Variants in LRP4 observed in about 807,000 individuals in gnomAD.
LRP4 encodes LDL receptor related protein 4.
In LRP4, 95 loss-of-function variants were observed where a neutral mutation model predicts 220.3. That is an observed-to-expected ratio of 0.43 (90% CI 0.37 to 0.51). LRP4 has a LOEUF of 0.51. LRP4 is among the 20% of genes least tolerant of loss of function. LRP4 has a pLI of 0.00. For missense variants in LRP4, 1,925 were observed against 2,567.0 expected (o/e 0.75, Z 5.40); for synonymous variants, 903 against 954.6 (o/e 0.95, Z 1.00).
At position 46,886,460 on chromosome 11, in the gene LRP4, A is replaced by C. The variant is rs753793781; in HGVS notation, c.2289T>G (p.Ser763=). The C allele has an allele frequency of 1.7e-5, 27 of 1,614,032 alleles. No homozygotes were observed. The highest frequency in any genetic ancestry group is 2.3e-5 in the Non-Finnish European group (27 of 1,180,036). The change falls in exon 17 of 38, where the codon TCT becomes TCG. Residue 763 remains serine, a synonymous_variant. Coordinates refer to ENST00000378623, the MANE Select transcript of LRP4 (RefSeq NM_002334.4). ...RRISFDTEDL[S]DDVIPLADVR... ...CGTCAGCCAGTGGGATGACATCATC[A>C]GACAGGTCCTCTGTGTCAAAGCTGA...
chr11:46,889,927 G>A lies in LRP4; in HGVS notation c.2092+17C>T, dbSNP rs200761003. ...ACCATGAGGCTACTTTGGCTCACCC[G>A]GTGGGCAGTTTTTTACCTGCAGGTT... On this transcript the variant is annotated intron_variant, in intron 15 of 37. Transcript: ENST00000378623. 345 of 1,614,084 alleles carry A rather than the reference G, an allele frequency of 2.1e-4. 2 individuals are homozygous for A. In the Admixed American group the frequency reaches 5.2e-3, roughly 24 times the overall value.
At position 46,875,758 on chromosome 11, in the gene LRP4, C is replaced by T. The variant is rs766752138; in HGVS notation, c.3699+46G>A. 15 of 1,613,774 alleles carry T rather than the reference C, an allele frequency of 9.3e-6. No individual in the cohort carries two copies. Among genetic ancestry groups the T allele is most frequent in the South Asian group, 3.3e-5 (3 of 91,076 alleles). ...CCATGGAGATCCTAGGCAGGCCTTT[C>T]CCATCTTCCCAGGCTCCTGGGAAGC... is the stretch of plus-strand genomic sequence containing the variant. On this transcript the variant is annotated intron_variant, in intron 26 of 37. Transcript: ENST00000378623. This position sits in a 1 kb window ranked among gnomAD's most constrained non-coding sequence, Gnocchi z 4.5.
At chr11:46,916,386 G>C (rs187624697) in intron 1 of LRP4, among the ~76,000 whole-genome samples, 209 of 152,286 alleles carry the variant, frequency 1.4e-3, no homozygotes, top group African/African-American at 4.3e-3. Flanking sequence ...GCTGTAGTGA[G>C]CTATGATTGC....
intron 8 of LRP4, 37 bp downstream of exon 8, chr11:46,896,832 T>C (rs1592542883): frequency 2.5e-6 from 4 of 1,613,636 alleles, no homozygotes; most frequent in South Asian, 1.1e-5. Flanking sequence ...ACCCCAACTA[T>C]AGGCTAAGGG....
intron 22 of LRP4, 101 bp downstream of exon 22, chr11:46,878,806 A>G: frequency 1.3e-6 from 2 of 1,543,460 alleles, no homozygotes; most frequent in Non-Finnish European, 1.8e-6. Context: ...AGCAGGACTC[A>G]TGGTTTCTCA....
chr11:46,891,426 TATACAC>T (rs1286287884), intron 13 of LRP4, among the ~76,000 whole-genome samples: 2 of 78,676 alleles, frequency 2.5e-5, no homozygotes, highest in Admixed American at 3.4e-4. Flanking sequence ...TTTTGTATTT[TATACAC>T]ACACACACAC....
intron 1 of LRP4, among the ~76,000 whole-genome samples, chr11:46,913,428 C>G (rs369900619): frequency 6.6e-6 from 1 of 152,058 alleles, no homozygotes; most frequent in East Asian, 1.9e-4. Flanking sequence ...CAACAGGGGT[C>G]AAACTTTGAG....
Position 46,892,951 on chromosome 11 carries a change from G to A in LRP4, c.1697+22C>T, listed in dbSNP as rs188094740. Reference sequence around the variant, plus strand: ...GTCCCGAGAGGTTGCAAGAAAGTTCGGGAGCCTGAGATACAACTTACCCCT... The same window carrying A: ...GTCCCGAGAGGTTGCAAGAAAGTTCAGGAGCCTGAGATACAACTTACCCCT... On this transcript the variant is annotated intron_variant, in intron 13 of 37. Coordinates refer to ENST00000378623, the MANE Select transcript of LRP4 (RefSeq NM_002334.4). 2,106 of 1,611,352 alleles carry A rather than the reference G, an allele frequency of 1.3e-3. 3 individuals are homozygous for A. Among genetic ancestry groups the A allele is most frequent in the Non-Finnish European group, 1.7e-3 (1,952 of 1,179,442 alleles).
chr11:46,910,357 C>G (rs896915382), intron 1 of LRP4, among the ~76,000 whole-genome samples: 10 of 152,146 alleles, frequency 6.6e-5, no homozygotes, highest in African/African-American at 2.2e-4. Context: ...AATCCCCTAA[C>G]TTACAGGAAT....
chr11:46,871,486 A>T (rs1020704776), intron 31 of LRP4, 39 bp downstream of exon 31: 2 of 1,363,434 alleles, frequency 1.5e-6, no homozygotes, highest in Non-Finnish European at 2.1e-6. Flanking sequence ...GAAACATCCC[A>T]GTCAAGGAGG....
chr11:46,913,193 T>C (rs952463370), intron 1 of LRP4, among the ~76,000 whole-genome samples: 1 of 152,038 alleles, frequency 6.6e-6, no homozygotes, highest in African/African-American at 2.4e-5. Flanking sequence ...CTACGAGCAG[T>C]GAAAGAATGA....
intron 37 of LRP4, among the ~76,000 whole-genome samples, chr11:46,860,684 A>G (rs932604539): frequency 4.6e-5 from 7 of 152,218 alleles, no homozygotes; most frequent in Non-Finnish European, 7.3e-5. Context: ...TATACAATAT[A>G]AAACATGGTC....
chr11:46,880,899 G>C (rs1941139056), intron 20 of LRP4, among the ~76,000 whole-genome samples: 1 of 151,410 alleles, frequency 6.6e-6, no homozygotes, highest in East Asian at 1.9e-4. Context: ...AATACAGGAA[G>C]TCTCTACCAA....
Position 46,874,834 on chromosome 11 carries a change from C to A in LRP4, c.4195G>T (p.Val1399Phe). 1 of 1,614,084 alleles carries A rather than the reference C, an allele frequency of 6.2e-7. No individual in the cohort carries two copies. Among genetic ancestry groups the A allele is most frequent in the Non-Finnish European group, 8.5e-7 (1 of 1,179,938 alleles). ...SLDYDSVDGKVYYTDVFLDVI... is the reference protein window; with the variant it reads ...SLDYDSVDGKFYYTDVFLDVI... ...TCCAGGAACACATCTGTGTAATAGA[C>A]CTTTCCATCCACGCTGTCATAGTCC... Residue 1399 changes from valine to phenylalanine, a missense_variant, in exon 28 of 38, where the codon GTC (valine) becomes TTC (phenylalanine). By Grantham distance (50) the Val-to-Phe change is conservative (BLOSUM62 -1). Transcript: ENST00000378623.
Position 46,881,772 on chromosome 11 carries a change from T to C in LRP4, c.2744A>G (p.Gln915Arg). The C allele has an allele frequency of 6.2e-7, 1 of 1,614,008 alleles. No homozygotes were observed. Among genetic ancestry groups the C allele is most frequent in the Non-Finnish European group, 8.5e-7 (1 of 1,180,044 alleles). ...GCCGGCGTCAGCCCAGTATAGACGCTGGGACCCATAATCAATAGCTAACCC... is the reference window on the plus strand; with the variant it reads ...GCCGGCGTCAGCCCAGTATAGACGCCGGGACCCATAATCAATAGCTAACCC... ...PNGLAIDYGS[Q>R]RLYWADAGMK... Residue 915 changes from glutamine (Q) to arginine (R), a missense_variant, in exon 20 of 38, where the codon CAG becomes CGG. Gln to Arg is a conservative substitution (Grantham distance 43). Transcript: ENST00000378623.
At chr11:46,912,464 T>C (rs1408591973) in intron 1 of LRP4, among the ~76,000 whole-genome samples, 1 of 152,226 alleles carries the variant, frequency 6.6e-6, no homozygotes, top group Admixed American at 6.5e-5. Flanking sequence ...TGAAACTTAT[T>C]GTTTAAACTG....
chr11:46,877,562 A>T (rs1941051016), intron 22 of LRP4, among the ~76,000 whole-genome samples: 1 of 152,044 alleles, frequency 6.6e-6, no homozygotes, highest in Non-Finnish European at 1.5e-5. Flanking sequence ...TGACCTCCTG[A>T]GCTCAAGCGA....
intron 2 of LRP4, 24 bp from the exon 3 acceptor site, chr11:46,900,402 A>C: frequency 1.4e-6 from 2 of 1,414,058 alleles, no homozygotes; most frequent in East Asian, 4.5e-5. Flanking sequence ...AAAGAAAAGA[A>C]AAGTCAATCA....
intron 30 of LRP4, among the ~76,000 whole-genome samples, chr11:46,872,351 A>G (rs1210140409): frequency 6.6e-6 from 1 of 152,182 alleles, no homozygotes; most frequent in African/African-American, 2.4e-5. Context: ...GAAGTCTTGG[A>G]TTCCCTTCCC....
Sources: allele counts gnomAD v4.1 joint callset (sites outside exome capture counted in the v4.1 genomes callset), GRCh38; gene constraint gnomAD v4.1.1; non-coding constraint Gnocchi (gnomAD v3.1); transcripts MANE v1.5; gene names NCBI Gene and HGNC (gene_info 2026-07-23, HGNC 2026-07-21).